E2F3: variants seen among roughly 807,000 people sequenced by gnomAD.
E2F3 encodes the protein E2F transcription factor 3.
A neutral mutation model predicts 44.4 loss-of-function variants in E2F3; 11 were observed. That is an observed-to-expected ratio of 0.25 (90% CI 0.16 to 0.41). E2F3 has a LOEUF of 0.41. Among genes scored for constraint, E2F3 ranks in the 10% least tolerant of loss-of-function variants. E2F3 has a pLI of 1.00. For synonymous variants in E2F3, 249 were observed against 253.0 expected (o/e 0.98, Z 0.15); for missense variants, 487 against 583.6 (o/e 0.83, Z 1.70).
intron 1 of E2F3, among the ~76,000 whole-genome samples, chr6:20,455,445 C>G (rs1173689662): frequency 6.6e-6 from 1 of 152,176 alleles, no homozygotes; most frequent in African/African-American, 2.4e-5. Context: ...TGTCTGTTAT[C>G]TTTGAGAGCT....
At chr6:20,448,330 A>G (rs559983013) in intron 1 of E2F3, among the ~76,000 whole-genome samples, 11 of 152,192 alleles carry the variant, frequency 7.2e-5, no homozygotes, top group Non-Finnish European at 1.6e-4. Flanking sequence ...CCTGGTATCC[A>G]GTGTCCATAC....
intron 2 of E2F3, among the ~76,000 whole-genome samples, chr6:20,480,266 G>A (rs1762177817): frequency 6.6e-6 from 1 of 152,154 alleles, no homozygotes. Flanking sequence ...AATGGACATT[G>A]CTTCAGAGTC....
chr6:20,415,017 TCCC>T (rs1759797214), intron 1 of E2F3, among the ~76,000 whole-genome samples: 1 of 151,132 alleles, frequency 6.6e-6, no homozygotes, highest in South Asian at 2.1e-4. Flanking sequence ...CTTAGTTGCC[TCCC>T]CCCGCCACTC....
intron 1 of E2F3, among the ~76,000 whole-genome samples, chr6:20,451,424 G>A (rs758259649): frequency 6.6e-6 from 1 of 152,218 alleles, no homozygotes; most frequent in African/African-American, 2.4e-5. Flanking sequence ...CTGAGACTTC[G>A]CTGAATTTAT....
chr6:20,424,516 C>A (rs1284289334), intron 1 of E2F3, among the ~76,000 whole-genome samples: 3 of 152,080 alleles, frequency 2.0e-5, no homozygotes, highest in Non-Finnish European at 4.4e-5. Context: ...TGTAAAGAAG[C>A]AGCACACTGT....
At chr6:20,437,926 G>A (rs541301997) in intron 1 of E2F3, 98 of 152,348 alleles carry the variant, frequency 6.4e-4, no homozygotes, top group African/African-American at 2.2e-3. Context: ...GCGGCGCTTG[G>A]TAATAAGATT....
intron 1 of E2F3, among the ~76,000 whole-genome samples, chr6:20,463,221 C>T (rs1761584582): frequency 6.6e-6 from 1 of 152,048 alleles, no homozygotes; most frequent in Admixed American, 6.6e-5. Context: ...CTGCACCAGG[C>T]CAAATCTCTT....
chr6:20,490,191 C>T lies in E2F3; in HGVS notation c.1159C>T (p.His387Tyr). ...SKDLASTNSG[H>Y]SDCSVSMGNL... ...AGACTTGGCTTCAACCAACTCAGGACATAGCGATTGCTCAGTTTCTATGGG... is the reference window on the plus strand; with the variant it reads ...AGACTTGGCTTCAACCAACTCAGGATATAGCGATTGCTCAGTTTCTATGGG... The change falls in exon 7 of 7, where the codon CAT (histidine) becomes TAT (tyrosine). Residue 387 changes from histidine (H) to tyrosine (Y), a missense_variant. This residue lies in a region of E2F3 where 220 missense variants were observed against 261.7 expected (regional missense o/e 0.84). Transcript: ENST00000346618. The surrounding 1 kb of genome is among the most constrained non-coding windows in gnomAD (Gnocchi z 4.3). 6.2e-7 allele frequency: 1 copy of T among 1,613,222 alleles called. No homozygotes were observed. Among genetic ancestry groups the T allele is most frequent in the Non-Finnish European group, 8.5e-7 (1 of 1,179,640 alleles).
intron 1 of E2F3, among the ~76,000 whole-genome samples, chr6:20,470,754 C>A (rs1009556054): frequency 1.3e-5 from 2 of 152,200 alleles, no homozygotes; most frequent in African/African-American, 2.4e-5. Context: ...TGTTAACATA[C>A]AGCAGGCCAT....
intron 1 of E2F3, among the ~76,000 whole-genome samples, chr6:20,418,077 G>A (rs1301444768): frequency 6.6e-6 from 1 of 152,140 alleles, no homozygotes; most frequent in Non-Finnish European, 1.5e-5. Context: ...ACTTTTCACT[G>A]CTCTATGTAG....
At chr6:20,451,886 C>A (rs938605772) in intron 1 of E2F3, among the ~76,000 whole-genome samples, 1 of 152,182 alleles carries the variant, frequency 6.6e-6, no homozygotes, top group African/African-American at 2.4e-5. Flanking sequence ...GTTGAACCAA[C>A]CTTGCATCCC....
intron 1 of E2F3, among the ~76,000 whole-genome samples, chr6:20,469,859 A>G (rs748314018): frequency 6.6e-6 from 1 of 152,104 alleles, no homozygotes; most frequent in Non-Finnish European, 1.5e-5. Flanking sequence ...CTCACAGAGG[A>G]TGCTACTCTC....
chr6:20,423,778 C>CT (rs1024331489), intron 1 of E2F3, among the ~76,000 whole-genome samples: 1 of 141,030 alleles, frequency 7.1e-6, no homozygotes, highest in South Asian at 2.3e-4. Flanking sequence ...CATTACAGTG[C>CT]TTTTTTTGAG....
At chr6:20,425,400 T>A (rs1277839632) in intron 1 of E2F3, among the ~76,000 whole-genome samples, 8 of 151,462 alleles carry the variant, frequency 5.3e-5, no homozygotes, top group African/African-American at 1.9e-4. Context: ...TTTTTTTTTT[T>A]TTTTTTGAGA....
intron 1 of E2F3, among the ~76,000 whole-genome samples, chr6:20,461,532 C>T (rs1298540393): frequency 6.6e-6 from 1 of 152,154 alleles, no homozygotes; most frequent in Non-Finnish European, 1.5e-5. Context: ...TTGTTTTTTC[C>T]ACTACATTTC....
At chr6:20,453,805 A>G (rs1019310253) in intron 1 of E2F3, among the ~76,000 whole-genome samples, 4 of 152,226 alleles carry the variant, frequency 2.6e-5, no homozygotes, top group Admixed American at 6.5e-5. Context: ...TATAAAGTAA[A>G]TATTTTGTAA....
At chr6:20,430,521 T>C (rs1760364738) in intron 1 of E2F3, among the ~76,000 whole-genome samples, 1 of 152,188 alleles carries the variant, frequency 6.6e-6, no homozygotes, top group South Asian at 2.1e-4. Context: ...CATTTATTGG[T>C]CTTAAAGGGT....
intron 1 of E2F3, among the ~76,000 whole-genome samples, chr6:20,429,568 AC>A (rs1760329064): frequency 6.6e-6 from 1 of 152,124 alleles, no homozygotes; most frequent in Non-Finnish European, 1.5e-5. Flanking sequence ...ATGAGGAGAG[AC>A]TACCGTATTT....
chr6:20,467,511 A>C (rs1408087621), intron 1 of E2F3, among the ~76,000 whole-genome samples: 1 of 152,156 alleles, frequency 6.6e-6, no homozygotes, highest in Non-Finnish European at 1.5e-5. Context: ...TCTGCTTTCA[A>C]TGGCTTCTTG....
Sources: allele counts gnomAD v4.1 joint callset (sites outside exome capture counted in the v4.1 genomes callset), GRCh38; gene constraint gnomAD v4.1.1; regional missense constraint gnomAD v4.1.1; non-coding constraint Gnocchi (gnomAD v3.1); transcripts MANE v1.5; gene names NCBI Gene and HGNC (gene_info 2026-07-23, HGNC 2026-07-21).